TEAD3: variants seen among roughly 807,000 people sequenced by gnomAD.
The protein encoded by TEAD3 is transcriptional enhancer factor TEF-5.
In TEAD3, 15 loss-of-function variants were observed where a neutral mutation model predicts 55.6. The observed-to-expected ratio is 0.27, with a 90% CI of 0.18 to 0.42. The LOEUF is 0.42. Among genes scored for constraint, TEAD3 ranks in the 10% least tolerant of loss-of-function variants. The pLI, the probability that TEAD3 is intolerant of heterozygous loss-of-function variation, is 1.00. For missense variants in TEAD3, 407 were observed against 576.8 expected (o/e 0.71, Z 3.01); for synonymous variants, 210 against 232.2 (o/e 0.90, Z 0.87).
chr6:35,486,168 T>C lies in TEAD3; in HGVS notation c.202+293A>G. 6.6e-6 allele frequency among the ~76,000 whole-genome samples: 1 copy of C among 152,198 alleles called. No individual in the cohort carries two copies. The highest frequency in any genetic ancestry group is 1.9e-4 in the East Asian group (1 of 5,160). ...GTTCCGGGCCTCGACCGGCGCAGAC[T>C]GGGCTGACCCACTTTCTTGGGCCCA... On this transcript the variant is annotated intron_variant, in intron 2 of 12. Transcript: ENST00000639578. The surrounding 1 kb of genome is among the most constrained non-coding windows in gnomAD (Gnocchi z 7.3).
rs374103978 is a variant in TEAD3, at chr6:35,491,934, C to T, written c.-50+4964G>A. Among the ~76,000 whole-genome samples, 412 of 152,298 alleles carry T rather than the reference C, an allele frequency of 2.7e-3. 2 individuals carry two copies. Among genetic ancestry groups the T allele is most frequent in the African/African-American group, 9.0e-3 (373 of 41,568 alleles). ...GCCCTGGTCCCCCACCCCCACAGAC[C>T]CTGCAGCCTCCAGACCACCCAGCCC... On this transcript the variant is annotated intron_variant, in intron 1 of 12. Coordinates refer to ENST00000639578, the Ensembl canonical transcript of TEAD3. This position sits in a 1 kb window ranked among gnomAD's most constrained non-coding sequence, Gnocchi z 4.4.
chr6:35,479,227 A>G, intron 5 of TEAD3, 78 bp downstream of exon 5: 2 of 1,575,240 alleles, frequency 1.3e-6, no homozygotes, highest in Admixed American at 3.4e-5. Flanking sequence ...TTGGTTTCAT[A>G]ATCTGTCATT....
chr6:35,475,716 G>A lies in TEAD3; in HGVS notation c.901-10C>T. 1.3e-6 allele frequency: 2 copies of A among 1,573,508 alleles called. No homozygotes were observed. Among genetic ancestry groups the A allele is most frequent in the Non-Finnish European group, 1.7e-6 (2 of 1,159,020 alleles). On this transcript the variant is annotated splice_polypyrimidine_tract_variant and intron_variant, in intron 10 of 12. Transcript: ENST00000639578. The surrounding 1 kb of genome is among the most constrained non-coding windows in gnomAD (Gnocchi z 5.4). ...TGCTGTTGAGGTCGGCCTGGGCATG[G>A]GGGTGGGGGGTGTTAGGTGCTGGCA...
At chr6:35,474,940 C>T (rs1479987481) in exon 13 of TEAD3, 3 of 996,934 alleles carry the variant, frequency 3.0e-6, no homozygotes, top group Non-Finnish European at 4.4e-6. Flanking sequence ...GGCCTGAGGC[C>T]TGGCAGGTAG....
chr6:35,479,978 C>G, intron 4 of TEAD3: 1 of 1,269,238 alleles, frequency 7.9e-7, no homozygotes, highest in South Asian at 1.3e-5. Flanking sequence ...TTGCCTGTCC[C>G]AGGCTGGAGC....
rs1001938240 is a variant in TEAD3, at chr6:35,488,594, C to A, written c.-49-1883G>T. ...GTCCTGCTGCTTGAGTCGGGGTGGA[C>A]TCTCTCTGCAGAGCCACCTGTTTGC... is the stretch of plus-strand genomic sequence containing the variant. On this transcript the variant is annotated intron_variant, in intron 1 of 12. Coordinates refer to ENST00000639578, the Ensembl canonical transcript of TEAD3. The surrounding 1 kb of genome is among the most constrained non-coding windows in gnomAD (Gnocchi z 4.2). 7.2e-5 allele frequency among the ~76,000 whole-genome samples: 11 copies of A among 152,094 alleles called. No individual in the cohort carries two copies. Among genetic ancestry groups the A allele is most frequent in the African/African-American group, 2.7e-4 (11 of 41,392 alleles).
rs939834603 is a variant in TEAD3 at position 35,486,810 on chromosome 6, C to G, written c.-49-99G>C. ...GGCTCTGGAGCTCCGCCCCCAGCCCCAAGCCCACCCTAGGAGCAGGTGCTC... is the reference window on the plus strand; with the variant it reads ...GGCTCTGGAGCTCCGCCCCCAGCCCGAAGCCCACCCTAGGAGCAGGTGCTC... On this transcript the variant is annotated intron_variant, in intron 1 of 12. Transcript: ENST00000639578. The surrounding 1 kb of genome is among the most constrained non-coding windows in gnomAD (Gnocchi z 7.3). 1.0e-4 allele frequency: 82 copies of G among 800,550 alleles called. No homozygotes were observed. Among genetic ancestry groups the G allele is most frequent in the African/African-American group, 5.5e-4 (32 of 57,838 alleles). The allele number at this position is 800,550 out of a possible 1,614,324, so 49.6% of individuals were successfully genotyped here.
Position 35,488,846 on chromosome 6 carries a change from C to G in TEAD3, c.-49-2135G>C, listed in dbSNP as rs1215189980. On this transcript the variant is annotated intron_variant, in intron 1 of 12. Transcript: ENST00000639578. The surrounding 1 kb of genome is among the most constrained non-coding windows in gnomAD (Gnocchi z 4.2). The stretch of plus-strand genomic sequence containing the variant: ...TCAAGCGATTCTCCTGCCTCAGACT[C>G]CCATGCAGCCTCCCCCCTCAGCATG... Among the ~76,000 whole-genome samples the G allele has an allele frequency of 6.6e-6, 1 of 152,194 alleles. No homozygotes were observed. Among genetic ancestry groups the G allele is most frequent in the East Asian group, 1.9e-4 (1 of 5,190 alleles).
In TEAD3 at chr6:35,486,718, G is replaced by A. The variant is rs777542710; in HGVS notation, c.-49-7C>T. The A allele has an allele frequency of 1.3e-6, 2 of 1,567,144 alleles. No homozygotes were observed. The highest frequency in any genetic ancestry group is 4.5e-5 in the East Asian group (2 of 44,278). ...GCCCACTGGGCGGCTGAGCCTGGGG[G>A]ACAGACAGACAGGAACTGGGACCAG... On this transcript the variant is annotated splice_polypyrimidine_tract_variant and splice_region_variant and intron_variant, in intron 1 of 12. Transcript: ENST00000639578. The surrounding 1 kb of genome is among the most constrained non-coding windows in gnomAD (Gnocchi z 7.3).
rs751815636 is a variant in TEAD3 at position 35,486,557 on chromosome 6, T to C, written c.106A>G (p.Ser36Gly). The C allele has an allele frequency of 3.7e-6, 6 of 1,613,642 alleles. No homozygotes were observed. The highest frequency in any genetic ancestry group is 5.1e-6 in the Non-Finnish European group (6 of 1,179,808). The change falls in exon 2 of 13, where the codon AGC becomes GGC. Residue 36 changes from serine to glycine, a missense_variant. Physicochemically the swap from Ser to Gly is moderately conservative, Grantham distance 56 (BLOSUM62 0). Coordinates refer to ENST00000639578, the Ensembl canonical transcript of TEAD3. The surrounding 1 kb of genome is among the most constrained non-coding windows in gnomAD (Gnocchi z 7.3). ...TGGAAGCTCTGCTCGATGTCCGGGCTCCACACGCCCTCCGCATCGTTGTCC... is the reference window on the plus strand; with the variant it reads ...TGGAAGCTCTGCTCGATGTCCGGGCCCCACACGCCCTCCGCATCGTTGTCC...
intron 9 of TEAD3, 95 bp downstream of exon 9, chr6:35,476,207 C>G (rs964521248): frequency 6.4e-6 from 10 of 1,553,572 alleles, no homozygotes; most frequent in Admixed American, 2.0e-5. Flanking sequence ...ACAGGCCAGA[C>G]CCCCAACCCC....
rs1249217072 is a variant in TEAD3 at position 35,491,694 on chromosome 6, C to T, written c.-49-4983G>A. Among the ~76,000 whole-genome samples the T allele has an allele frequency of 6.6e-6, 1 of 152,216 alleles. No individual in the cohort carries two copies. Among genetic ancestry groups the T allele is most frequent in the African/African-American group, 2.4e-5 (1 of 41,442 alleles). Reference sequence around the variant, plus strand: ...TTCACCCTCATCCTGACCAGCCACACCCGCTTCCCCTCTCCCAGGGCCCTC... The same window carrying T: ...TTCACCCTCATCCTGACCAGCCACATCCGCTTCCCCTCTCCCAGGGCCCTC... On this transcript the variant is annotated intron_variant, in intron 1 of 12. Transcript: ENST00000639578. The surrounding 1 kb of genome is among the most constrained non-coding windows in gnomAD (Gnocchi z 4.4).
chr6:35,478,207 A>C (rs1768192646), intron 7 of TEAD3, 68 bp downstream of exon 7: 1 of 1,595,942 alleles, frequency 6.3e-7, no homozygotes, highest in Non-Finnish European at 8.6e-7. Flanking sequence ...CTGGAGCCCA[A>C]ATGGGAGGGA....
At chr6:35,493,800 C>T (rs777617873) in intron 1 of TEAD3, among the ~76,000 whole-genome samples, 77 of 152,374 alleles carry the variant, frequency 5.1e-4, no homozygotes, top group African/African-American at 1.8e-3. Context: ...CACACAGCAT[C>T]GTGCGAGTGC....
At position 35,488,694 on chromosome 6, in the gene TEAD3, T is replaced by A. The variant is rs1438126241; in HGVS notation, c.-49-1983A>T. ...GGAGGTCTGAATGTCAGCCAGTTAT[T>A]CGGTTATTTTTTTTCTTTTTTAAAT... On this transcript the variant is annotated intron_variant, in intron 1 of 12. Transcript: ENST00000639578. The surrounding 1 kb of genome is among the most constrained non-coding windows in gnomAD (Gnocchi z 4.2). Among the ~76,000 whole-genome samples, 1 of 152,088 alleles carries A rather than the reference T, an allele frequency of 6.6e-6. No individual in the cohort carries two copies. Among genetic ancestry groups the A allele is most frequent in the Non-Finnish European group, 1.5e-5 (1 of 68,018 alleles).
Position 35,491,910 on chromosome 6 carries a change from C to A in TEAD3, c.-50+4988G>T, listed in dbSNP as rs1013964213. 6.6e-6 allele frequency among the ~76,000 whole-genome samples: 1 copy of A among 152,192 alleles called. No individual in the cohort carries two copies. Among genetic ancestry groups the A allele is most frequent in the African/African-American group, 2.4e-5 (1 of 41,448 alleles). On this transcript the variant is annotated intron_variant, in intron 1 of 12. Coordinates refer to ENST00000639578, the Ensembl canonical transcript of TEAD3. This position sits in a 1 kb window ranked among gnomAD's most constrained non-coding sequence, Gnocchi z 4.4. Reference sequence around the variant, plus strand: ...GCTGGAGCTGGGGCCGCTGCAGAGGCCCTGGTCCCCCACCCCCACAGACCC... The same window carrying A: ...GCTGGAGCTGGGGCCGCTGCAGAGGACCTGGTCCCCCACCCCCACAGACCC...
In TEAD3 at chr6:35,484,064, C is replaced by T. The variant is rs547958206; in HGVS notation, c.267+496G>A. Among the ~76,000 whole-genome samples the T allele has an allele frequency of 3.5e-4, 54 of 152,226 alleles. No homozygotes were observed. Among genetic ancestry groups the T allele is most frequent in the East Asian group, 5.8e-4 (3 of 5,180 alleles). On this transcript the variant is annotated intron_variant, in intron 3 of 12. Coordinates refer to ENST00000639578, the Ensembl canonical transcript of TEAD3. This position sits in a 1 kb window ranked among gnomAD's most constrained non-coding sequence, Gnocchi z 5.8. ...CCCATTCCTTCTTAAAAATATATCC[C>T]GAGTGTCACCTCCTCCAGGGAGCCT...
chr6:35,487,508 C>T (rs1394946639), intron 1 of TEAD3, among the ~76,000 whole-genome samples: 7 of 142,458 alleles, frequency 4.9e-5, no homozygotes, highest in Non-Finnish European at 8.9e-5. Context: ...GCCGAGATCA[C>T]GTCACTGCAC....
chr6:35,484,775 G>A lies in TEAD3; in HGVS notation c.203-151C>T, dbSNP rs977113895. On this transcript the variant is annotated intron_variant, in intron 2 of 12. Transcript: ENST00000639578. The surrounding 1 kb of genome is among the most constrained non-coding windows in gnomAD (Gnocchi z 5.8). ...TCTTCACCCCAAGCTGCACATGCAGGGCATGCAAAGGTGGCTGGGGAGTCA... is the reference window on the plus strand; with the variant it reads ...TCTTCACCCCAAGCTGCACATGCAGAGCATGCAAAGGTGGCTGGGGAGTCA... Among the ~76,000 whole-genome samples the A allele has an allele frequency of 6.6e-6, 1 of 152,180 alleles. No homozygotes were observed. Among genetic ancestry groups the A allele is most frequent in the African/African-American group, 2.4e-5 (1 of 41,432 alleles).
Sources: gnomAD v4.1 joint callset for allele counts (sites outside exome capture counted in the v4.1 genomes callset) on GRCh38, gnomAD v4.1.1 for gene constraint, Gnocchi (gnomAD v3.1) non-coding constraint, MANE v1.5 for transcripts, NCBI Gene and HGNC (gene_info 2026-07-23, HGNC 2026-07-21) for gene names.